The following KIAA1217 variants were observed in gnomAD, a reference collection of about 807,000 sequenced individuals.
KIAA1217 encodes the protein sickle tail protein homolog.
Under a neutral mutation model 163.9 loss-of-function variants are expected in KIAA1217, and 88 were observed. The ratio of observed to expected loss-of-function variants is 0.54; its 90% CI spans 0.45 to 0.64. The LOEUF is 0.64. KIAA1217 is among the 30% of genes least tolerant of loss of function. KIAA1217 has a pLI of 0.00. For missense variants in KIAA1217, 2,372 were observed against 2,475.0 expected, an observed-to-expected ratio of 0.96 and a Z score of 0.88; for synonymous variants, 903 against 923.1, an observed-to-expected ratio of 0.98 and a Z score of 0.39.
chr10:23,947,605 A>G (rs1481170168), intron 1 of KIAA1217, among the ~76,000 whole-genome samples: 1 of 152,244 alleles, frequency 6.6e-6, no homozygotes, highest in Non-Finnish European at 1.5e-5. Context: ...AGGTGGTGAC[A>G]TCACAGGAGC....
In KIAA1217 at chr10:23,719,488, G is replaced by T. The variant is rs117515771; in HGVS notation, c.-321+24254G>T. Among the ~76,000 whole-genome samples, 176 of 152,178 alleles carry T rather than the reference G, an allele frequency of 1.2e-3. 13 individuals are homozygous for T. The East Asian group carries it at 0.027, about 24-fold the overall frequency. On this transcript the variant is annotated intron_variant, in intron 1 of 18. Coordinates refer to the KIAA1217 transcript ENST00000376462. ...CCCAGCTACTCAGGAGGCTGAGATG[G>T]GAGGATTGTTTGAGTCCAGGAGGTC...
In KIAA1217 at chr10:23,749,681, A is replaced by G. The variant is rs140733203; in HGVS notation, c.-321+54447A>G. Among the ~76,000 whole-genome samples, 492 of 152,344 alleles carry G rather than the reference A, an allele frequency of 3.2e-3. 1 individual carries two copies. The highest frequency in any genetic ancestry group is 0.011 in the African/African-American group (468 of 41,578). ...TTGCCTCCCGAAGTGCTGGGATTATAGGCGTGAGCCACCTCGCCCGGCATT... is the reference window on the plus strand; with the variant it reads ...TTGCCTCCCGAAGTGCTGGGATTATGGGCGTGAGCCACCTCGCCCGGCATT... On this transcript the variant is annotated intron_variant, in intron 1 of 18. Coordinates refer to the KIAA1217 transcript ENST00000376462.
chr10:23,944,179 C>G (rs1843912555), intron 1 of KIAA1217, among the ~76,000 whole-genome samples: 1 of 152,162 alleles, frequency 6.6e-6, no homozygotes. Context: ...AATCCCAGCA[C>G]TTAGGGAGGT....
chr10:24,485,801 G>T lies in KIAA1217; in HGVS notation c.1680-8699G>T, dbSNP rs1016359127. On this transcript the variant is annotated intron_variant, in intron 6 of 20. Transcript: ENST00000376454. ...AGCCTTTGGGACAGGTAAGGCAGTT[G>T]TTTTCCCAATTCGATGGTTAAGGAG... Among the ~76,000 whole-genome samples, 29 of 152,332 alleles carry T rather than the reference G, an allele frequency of 1.9e-4. 1 individual carries two copies. Among genetic ancestry groups the T allele is most frequent in the Non-Finnish European group, 8.8e-5 (6 of 68,030 alleles).
At chr10:24,173,156 T>A (rs1231074102) in intron 2 of KIAA1217, among the ~76,000 whole-genome samples, 2 of 152,148 alleles carry the variant, frequency 1.3e-5, no homozygotes, top group African/African-American at 2.4e-5. Flanking sequence ...GGTATTAGAT[T>A]CTCATAGGAG....
At chr10:24,204,428 G>A (rs547790502), upstream of KIAA1217, among the ~76,000 whole-genome samples, 11 of 152,230 alleles carry the variant, frequency 7.2e-5, no homozygotes, top group East Asian at 1.9e-4. Flanking sequence ...CTTGTAATAC[G>A]GTCCGTGTGA....
intron 2 of KIAA1217, among the ~76,000 whole-genome samples, chr10:24,358,072 C>T (rs1020791214): frequency 3.9e-5 from 6 of 152,230 alleles, no homozygotes; most frequent in African/African-American, 1.2e-4. Context: ...CCAATGCCTT[C>T]TTCCAGCCTT....
intron 1 of KIAA1217, among the ~76,000 whole-genome samples, chr10:23,890,783 G>T (rs951843497): frequency 6.6e-6 from 1 of 151,944 alleles, no homozygotes; most frequent in African/African-American, 2.4e-5. Context: ...GTCTTTTTCA[G>T]ATCTTCTGTA....
chr10:24,194,004 T>C (rs1274504276), intron 2 of KIAA1217, among the ~76,000 whole-genome samples: 1 of 151,990 alleles, frequency 6.6e-6, no homozygotes, highest in African/African-American at 2.4e-5. Context: ...CTGGCCAACA[T>C]GGCGAAACCC....
In KIAA1217 at chr10:23,694,758, G is replaced by C. The variant is rs542473363; in HGVS notation, c.-797G>C. 23 of 152,688 alleles carry C rather than the reference G, an allele frequency of 1.5e-4. 1 individual carries two copies. The highest frequency in any genetic ancestry group is 5.0e-4 in the African/African-American group (21 of 41,604). The allele number at this position is 152,688 out of a possible 1,614,324, so 9.5% of individuals were successfully genotyped here. On this transcript the variant is annotated 5_prime_UTR_variant, in exon 1 of 19. Coordinates refer to the KIAA1217 transcript ENST00000376462. ...GAAGAGAGCGGCTGGAGAGGGCTGC[G>C]CGCTTCTCGCCAAGCAAGCGGGAGG...
intron 10 of KIAA1217, among the ~76,000 whole-genome samples, chr10:24,518,343 C>A (rs1237033207): frequency 6.6e-6 from 1 of 152,170 alleles, no homozygotes; most frequent in African/African-American, 2.4e-5. Context: ...TAAACGTTTG[C>A]ATAGAAGTGA....
intron 1 of KIAA1217, among the ~76,000 whole-genome samples, chr10:23,906,488 A>G (rs1278590030): frequency 6.6e-6 from 1 of 152,152 alleles, no homozygotes; most frequent in Non-Finnish European, 1.5e-5. Flanking sequence ...TAAAACTAAA[A>G]TTATGATAAA....
At chr10:23,852,918 G>A (rs1588950811) in intron 1 of KIAA1217, among the ~76,000 whole-genome samples, 1 of 152,326 alleles carries the variant, frequency 6.6e-6, no homozygotes, top group Non-Finnish European at 1.5e-5. Flanking sequence ...TTTGGGCTGA[G>A]ACAATGGGGT....
chr10:23,844,608 C>A (rs1273725225), intron 1 of KIAA1217, among the ~76,000 whole-genome samples: 1 of 152,064 alleles, frequency 6.6e-6, no homozygotes, highest in Non-Finnish European at 1.5e-5. Flanking sequence ...TCCTGGTTTT[C>A]TCTATCTCTT....
At position 24,543,596 on chromosome 10, in the gene KIAA1217, A is replaced by G. The variant is rs757014706; in HGVS notation, c.4326A>G (p.Pro1442=). The G allele has an allele frequency of 3.1e-6, 5 of 1,614,178 alleles. No homozygotes were observed. Among genetic ancestry groups the G allele is most frequent in the Non-Finnish European group, 4.2e-6 (5 of 1,180,032 alleles). The change falls in exon 19 of 21, where the codon CCA becomes CCG. Residue 1442 remains proline (P), a synonymous_variant. Coordinates refer to ENST00000376454, the MANE Select transcript of KIAA1217 (RefSeq NM_019590.5). ...EDPVVCLDKK[P]VIIIFDEPMD... ...CAGTCGTGTGCCTGGACAAGAAACC[A>G]GTGATCATCATTTTCGATGAGCCCA...
chr10:24,020,738 T>C (rs949444584), intron 2 of KIAA1217, among the ~76,000 whole-genome samples: 1 of 151,900 alleles, frequency 6.6e-6, no homozygotes, highest in South Asian at 2.1e-4. Flanking sequence ...GAAGCCAGGC[T>C]GAAAAATATA....
At chr10:24,278,079 G>A (rs1193652032) in intron 2 of KIAA1217, among the ~76,000 whole-genome samples, 2 of 152,172 alleles carry the variant, frequency 1.3e-5, no homozygotes, top group African/African-American at 2.4e-5. Context: ...GTGTGATGAC[G>A]CCACCTCTTA....
At chr10:24,137,818 T>C (rs1478299598) in intron 2 of KIAA1217, among the ~76,000 whole-genome samples, 1 of 152,194 alleles carries the variant, frequency 6.6e-6, no homozygotes, top group Non-Finnish European at 1.5e-5. Context: ...CATGACATCT[T>C]AGTAAAAACA....
chr10:24,253,536 G>A (rs889085292), intron 2 of KIAA1217, among the ~76,000 whole-genome samples: 1 of 152,146 alleles, frequency 6.6e-6, no homozygotes, highest in African/African-American at 2.4e-5. Context: ...TTGTTTACCA[G>A]TTCTCAACAT....
Sources: allele counts gnomAD v4.1 joint callset (sites outside exome capture counted in the v4.1 genomes callset), GRCh38; gene constraint gnomAD v4.1.1; transcripts MANE v1.5; gene names NCBI Gene and HGNC (gene_info 2026-07-23, HGNC 2026-07-21).